Variants in RNF19A observed in about 807,000 individuals in gnomAD.
RNF19A encodes E3 ubiquitin-protein ligase RNF19A.
A neutral mutation model predicts 75.7 loss-of-function variants in RNF19A; 32 were observed. The observed-to-expected ratio is 0.42, with a 90% CI of 0.32 to 0.57. RNF19A has a LOEUF of 0.57. RNF19A is among the 20% of genes least tolerant of loss of function. The pLI is 0.10. For synonymous variants in RNF19A, 335 were observed against 345.2 expected, an observed-to-expected ratio of 0.97 and a Z score of 0.33; for missense variants, 782 against 1,036.3, an observed-to-expected ratio of 0.75 and a Z score of 3.37.
intron 2 of RNF19A, among the ~76,000 whole-genome samples, chr8:100,277,320 C>G (rs1820569402): frequency 6.6e-6 from 1 of 151,092 alleles, no homozygotes; most frequent in Non-Finnish European, 1.5e-5. Flanking sequence ...GTATCACACT[C>G]TTTTTTTTTG....
intron 1 of RNF19A, among the ~76,000 whole-genome samples, chr8:100,316,909 G>A (rs888247193): frequency 6.6e-6 from 1 of 152,238 alleles, no homozygotes; most frequent in Non-Finnish European, 1.5e-5. Flanking sequence ...CAGGTCCGGA[G>A]CCCTGCCCCG....
intron 5 of RNF19A, among the ~76,000 whole-genome samples, chr8:100,265,677 A>C (rs1188846087): frequency 6.6e-6 from 1 of 152,240 alleles, no homozygotes; most frequent in Non-Finnish European, 1.5e-5. Context: ...ATCTATTATT[A>C]CATGGTATAA....
chr8:100,321,845 T>C (rs1822469812), intron 1 of RNF19A, among the ~76,000 whole-genome samples: 1 of 152,226 alleles, frequency 6.6e-6, no homozygotes. Context: ...TGAGACATAA[T>C]ATTTTGAAAG....
rs886336974 is a variant in RNF19A at position 100,287,310 on chromosome 8, C to T, written c.674+191G>A. Among the ~76,000 whole-genome samples, 1 of 152,026 alleles carries T rather than the reference C, an allele frequency of 6.6e-6. No homozygotes were observed. Among genetic ancestry groups the T allele is most frequent in the Non-Finnish European group, 1.5e-5 (1 of 68,018 alleles). ...GCTCAGTGAGTATGTAACGCAGAGA[C>T]GATATAGAAATGAGTAAGATAGGAT... On this transcript the variant is annotated intron_variant, in intron 2 of 9. Transcript: ENST00000341084. This position sits in a 1 kb window ranked among gnomAD's most constrained non-coding sequence, Gnocchi z 4.1.
intron 1 of RNF19A, among the ~76,000 whole-genome samples, chr8:100,306,317 C>G (rs1822058912): frequency 6.6e-6 from 1 of 152,112 alleles, no homozygotes; most frequent in East Asian, 1.9e-4. Context: ...GTTAAAACAA[C>G]TGAACACTTC....
chr8:100,310,307 G>A (rs1020493713), upstream of RNF19A: 8 of 948,238 alleles, frequency 8.4e-6, no homozygotes, highest in African/African-American at 5.3e-5. Context: ...CTGCACCCGG[G>A]TGGCCCCGAC....
Position 100,259,272 on chromosome 8 carries a change from A to G in RNF19A, c.1827-26T>C. The G allele has an allele frequency of 6.4e-7, 1 of 1,559,578 alleles. No homozygotes were observed. Among genetic ancestry groups the G allele is most frequent in the Non-Finnish European group, 8.7e-7 (1 of 1,147,616 alleles). The stretch of plus-strand genomic sequence containing the variant: ...CTGAAATATAAGAGTAACAAATACA[A>G]ACATAATTGCTGACTTCTTTTTGTT... On this transcript the variant is annotated intron_variant, in intron 9 of 9. Transcript: ENST00000341084. This position sits in a 1 kb window ranked among gnomAD's most constrained non-coding sequence, Gnocchi z 4.5.
rs377017421 is a variant in RNF19A, at chr8:100,274,663, G to A, written c.883+290C>T. Among the ~76,000 whole-genome samples the A allele has an allele frequency of 2.0e-5, 3 of 152,142 alleles. No homozygotes were observed. In the South Asian group the frequency reaches 6.2e-4, roughly 31 times the overall value. Reference sequence around the variant, plus strand: ...GCCTCCCAAAGTACTGGGATTACAGGAGTGAGCTACCATACCTGGACAGAT... The same window carrying A: ...GCCTCCCAAAGTACTGGGATTACAGAAGTGAGCTACCATACCTGGACAGAT... On this transcript the variant is annotated intron_variant, in intron 3 of 9. Transcript: ENST00000341084.
chr8:100,268,579 A>G, intron 5 of RNF19A: 1 of 372,312 alleles, frequency 2.7e-6, no homozygotes, highest in South Asian at 1.2e-4. Flanking sequence ...AACATTTTAA[A>G]GCAAGTCTGC....
chr8:100,259,989 A>G lies in RNF19A; in HGVS notation c.1691T>C (p.Val564Ala). 1.2e-6 allele frequency: 2 copies of G among 1,613,624 alleles called. No homozygotes were observed. Among genetic ancestry groups the G allele is most frequent in the African/African-American group, 1.3e-5 (1 of 74,978 alleles). The change falls in exon 9 of 10, where the codon GTA becomes GCA. Residue 564 changes from valine to alanine, a missense_variant. By Grantham distance (64) the Val-to-Ala change is moderately conservative. This residue lies in a region of RNF19A where 442 missense variants were observed against 541.6 expected (regional missense o/e 0.82). Transcript: ENST00000341084. This position sits in a 1 kb window ranked among gnomAD's most constrained non-coding sequence, Gnocchi z 4.5. Reference protein sequence around the residue: ...AMVNCFNRLEVQADVQKERYS... With the variant: ...AMVNCFNRLEAQADVQKERYS... ...CCGTTCTTTCTGTACATCTGCTTGT[A>G]CTTCCAACCTTAAAGGGGGGTATGA...
At position 100,275,001 on chromosome 8, in the gene RNF19A, T is replaced by A; in HGVS notation, c.835A>T (p.Thr279Ser). 6.2e-7 allele frequency: 1 copy of A among 1,614,166 alleles called. No individual in the cohort carries two copies. Among genetic ancestry groups the A allele is most frequent in the South Asian group, 1.1e-5 (1 of 91,084 alleles). The change falls in exon 3 of 10, where the codon ACT (threonine) becomes TCT (serine). Residue 279 changes from threonine to serine, a missense_variant. Physicochemically the swap from Thr to Ser is moderately conservative, Grantham distance 58. Transcript: ENST00000341084. The surrounding 1 kb of genome is among the most constrained non-coding windows in gnomAD (Gnocchi z 4.3). ...QERAQSLRLR[T>S]IRSSSISYSQ... is the part of the protein sequence containing the mutation. ...TAACTAATGGATGAAGAACGTATAGTTCTCAAACGTAAGCTCTGGGCTCTC... is the reference window on the plus strand; with the variant it reads ...TAACTAATGGATGAAGAACGTATAGATCTCAAACGTAAGCTCTGGGCTCTC...
chr8:100,302,409 A>G (rs1193964419), intron 1 of RNF19A, among the ~76,000 whole-genome samples: 3 of 152,240 alleles, frequency 2.0e-5, no homozygotes, highest in Non-Finnish European at 2.9e-5. Context: ...CTATCAACTG[A>G]AATGGGGAAG....
chr8:100,275,242 A>G lies in RNF19A; in HGVS notation c.675-81T>C, dbSNP rs569720443. The G allele has an allele frequency of 2.5e-6, 3 of 1,212,936 alleles. No individual in the cohort carries two copies. The highest frequency in any genetic ancestry group is 2.7e-5 in the South Asian group (2 of 74,798). The allele number at this position is 1,212,936 out of a possible 1,614,324, so 75.1% of individuals were successfully genotyped here. The stretch of plus-strand genomic sequence containing the variant: ...TTCAAAAAGTATCCAACTAAAGATT[A>G]TTCCTGAAAAACATTTTCTATTTAT... On this transcript the variant is annotated intron_variant, in intron 2 of 9. Transcript: ENST00000341084. The surrounding 1 kb of genome is among the most constrained non-coding windows in gnomAD (Gnocchi z 4.3).
At chr8:100,276,041 C>T (rs534601349) in intron 2 of RNF19A, among the ~76,000 whole-genome samples, 4 of 152,114 alleles carry the variant, frequency 2.6e-5, no homozygotes, top group South Asian at 4.1e-4. Context: ...TACCTTTCTC[C>T]GAGTTAATAT....
At chr8:100,276,798 TGACTG>T (rs1820542305) in intron 2 of RNF19A, among the ~76,000 whole-genome samples, 1 of 151,570 alleles carries the variant, frequency 6.6e-6, no homozygotes, top group Non-Finnish European at 1.5e-5. Flanking sequence ...TTCAGTATCT[TGACTG>T]TGGTGGTGGA....
At position 100,297,624 on chromosome 8, in the gene RNF19A, A is replaced by G. The variant is rs77173664; in HGVS notation, c.-93-9357T>C. On this transcript the variant is annotated intron_variant, in intron 1 of 9. Coordinates refer to ENST00000341084, the MANE Select transcript of RNF19A (RefSeq NM_183419.4). ...TTTCTCTTCACACAATGACTGGCTG[A>G]ATGGAGTAATTCTAGTGAGGCAGAA... is the stretch of plus-strand genomic sequence containing the variant. Among the ~76,000 whole-genome samples, 1,052 of 152,334 alleles carry G rather than the reference A, an allele frequency of 6.9e-3. 16 individuals carry two copies. Among genetic ancestry groups the G allele is most frequent in the African/African-American group, 0.024 (991 of 41,578 alleles).
intron 1 of RNF19A, among the ~76,000 whole-genome samples, chr8:100,291,417 G>C (rs1652931934): frequency 6.6e-6 from 1 of 152,210 alleles, no homozygotes; most frequent in Non-Finnish European, 1.5e-5. Context: ...ACTACATCCA[G>C]TTTTTTAACT....
At chr8:100,310,279 C>G (rs1822254363), upstream of RNF19A, 1 of 978,558 alleles carries the variant, frequency 1.0e-6, no homozygotes, top group Non-Finnish European at 1.2e-6. Context: ...GTTCCGCGCC[C>G]GCGCAGGAGC....
In RNF19A at chr8:100,293,025, C is replaced by T. The variant is rs149473345; in HGVS notation, c.-93-4758G>A. On this transcript the variant is annotated intron_variant, in intron 1 of 9. Coordinates refer to ENST00000341084, the MANE Select transcript of RNF19A (RefSeq NM_183419.4). ...ATGGTTTCATCAGGCATTATATTCT[C>T]ATATGGAGTGTGCCATCTAGATCCC... Among the ~76,000 whole-genome samples, 630 of 152,280 alleles carry T rather than the reference C, an allele frequency of 4.1e-3. 5 individuals are homozygous for T. The highest frequency in any genetic ancestry group is 6.3e-3 in the Non-Finnish European group (429 of 68,022).
Sources: allele counts gnomAD v4.1 joint callset (sites outside exome capture counted in the v4.1 genomes callset), GRCh38; gene constraint gnomAD v4.1.1; regional missense constraint gnomAD v4.1.1; non-coding constraint Gnocchi (gnomAD v3.1); transcripts MANE v1.5; gene names NCBI Gene and HGNC (gene_info 2026-07-23, HGNC 2026-07-21).